Variants in LARP1 observed in about 807,000 individuals in gnomAD.
The protein encoded by LARP1 is La ribonucleoprotein 1, translational regulator.
In LARP1, 36 loss-of-function variants were observed where a neutral mutation model predicts 122.7. The observed-to-expected ratio is 0.29, with a 90% CI of 0.22 to 0.39. The LOEUF (loss-of-function observed/expected upper bound fraction) is 0.39, where lower values mean the gene tolerates loss of function less well. Ranked by LOEUF, LARP1 falls within the 10% of genes least tolerant of loss-of-function variation. LARP1 has a pLI of 1.00. For missense variants in LARP1, 1,040 were observed against 1,403.6 expected (o/e 0.74, Z 4.14); for synonymous variants, 539 against 528.7 (o/e 1.02, Z -0.27).
At chr5:154,746,522 G>T (rs546288210) in intron 1 of LARP1, among the ~76,000 whole-genome samples, 1 of 152,308 alleles carries the variant, frequency 6.6e-6, no homozygotes, top group African/African-American at 2.4e-5. Flanking sequence ...TTGTGATGTG[G>T]TGTCACGATC....
At chr5:154,706,528 T>A (rs1332214153) in intron 1 of LARP1, among the ~76,000 whole-genome samples, 1 of 151,904 alleles carries the variant, frequency 6.6e-6, no homozygotes, top group African/African-American at 2.4e-5. Flanking sequence ...GCCTCAAAGA[T>A]GGAAATGGTA....
chr5:154,733,577 T>G (rs1756708924), intron 1 of LARP1, among the ~76,000 whole-genome samples: 1 of 151,966 alleles, frequency 6.6e-6, no homozygotes, highest in South Asian at 2.1e-4. Flanking sequence ...CTTTTTTTTT[T>G]TTGGAGACGG....
chr5:154,802,193 A>T lies in LARP1; in HGVS notation c.1903A>T (p.Ile635Phe). 1.2e-6 allele frequency: 2 copies of T among 1,614,172 alleles called. No homozygotes were observed. The highest frequency in any genetic ancestry group is 1.7e-6 in the Non-Finnish European group (2 of 1,180,020). Residue 635 changes from isoleucine (I) to phenylalanine (F), a missense_variant, in exon 11 of 19, where the codon ATT becomes TTT. Ile to Phe is a conservative substitution (Grantham distance 21). Transcript: ENST00000518297. The surrounding 1 kb of genome is among the most constrained non-coding windows in gnomAD (Gnocchi z 5.1). Reference protein sequence around the residue: ...AWSDEESDYEIDDRDVNKILI... With the variant: ...AWSDEESDYEFDDRDVNKILI... ...GTCTGATGAGGAATCTGACTATGAG[A>T]TTGATGACAGGGATGTCAACAAGAT... is the stretch of plus-strand genomic sequence containing the variant.
intron 1 of LARP1, among the ~76,000 whole-genome samples, chr5:154,697,613 C>T (rs1016763539): frequency 6.6e-6 from 1 of 152,140 alleles, no homozygotes; most frequent in Admixed American, 6.6e-5. Flanking sequence ...TATGCTATAA[C>T]GTCGATGAAC....
Position 154,684,800 on chromosome 5 carries a change from TG to T in LARP1, c.-180+1764del, listed in dbSNP as rs368738976. On this transcript the variant is annotated intron_variant, in intron 1 of 18. Coordinates refer to the LARP1 transcript ENST00000687700. ...AGGAGCATAAAAAAGGCAGAATGAA[TG>T]TATGACCCCAGCACAGTCTGTGCCT... 9.3e-4 allele frequency among the ~76,000 whole-genome samples: 142 copies of T among 152,278 alleles called. 6 individuals are homozygous for T. The South Asian group carries it at 0.028, about 30-fold the overall frequency.
At chr5:154,687,383 TGTG>T (rs1753983952) in intron 1 of LARP1, among the ~76,000 whole-genome samples, 1 of 152,044 alleles carries the variant, frequency 6.6e-6, no homozygotes, top group African/African-American at 2.4e-5. Context: ...TTTTGTGTGT[TGTG>T]TGTGTGTGTT....
chr5:154,752,399 T>C (rs1753548858), upstream of LARP1, among the ~76,000 whole-genome samples: 2 of 151,868 alleles, frequency 1.3e-5, no homozygotes, highest in African/African-American at 2.4e-5. Flanking sequence ...TGCGCCACCA[T>C]GCCCAGCTAA....
chr5:154,799,800 G>T, intron 9 of LARP1, 41 bp downstream of exon 9: 2 of 1,612,098 alleles, frequency 1.2e-6, no homozygotes. Flanking sequence ...TGTCCTCTGG[G>T]CAACAGTCCT....
In LARP1 at chr5:154,756,057, C is replaced by A. The variant is rs771434438; in HGVS notation, c.300C>A (p.Gly100=). The A allele has an allele frequency of 7.3e-6, 8 of 1,101,252 alleles. No homozygotes were observed. In the Admixed American group the frequency reaches 3.2e-4, roughly 44 times the overall value. The allele number at this position is 1,101,252 out of a possible 1,614,324, so 68.2% of individuals were successfully genotyped here. ...SDGEEGGGEP[G]AGGGAAGAAG... is the part of the protein sequence containing the mutation. ...GGGAGGAGGGCGGCGGCGAGCCAGG[C>A]GCTGGCGGAGGAGCTGCCGGAGCCG... Residue 100 remains glycine (G), a synonymous_variant, in exon 1 of 19, where the codon GGC becomes GGA. Transcript: ENST00000518297.
chr5:154,748,567 G>A (rs1368006374), intron 1 of LARP1, among the ~76,000 whole-genome samples: 1 of 152,176 alleles, frequency 6.6e-6, no homozygotes, highest in Non-Finnish European at 1.5e-5. Flanking sequence ...ATTTGGTGCT[G>A]AGCCTTGAAG....
At chr5:154,812,998 A>C (rs937488493) in intron 18 of LARP1, among the ~76,000 whole-genome samples, 2 of 152,084 alleles carry the variant, frequency 1.3e-5, no homozygotes, top group Non-Finnish European at 2.9e-5. Flanking sequence ...AAATCATCAC[A>C]TTTATTATTT....
intron 1 of LARP1, among the ~76,000 whole-genome samples, chr5:154,789,985 A>ACTC (rs1442255494): frequency 6.6e-6 from 1 of 151,914 alleles, no homozygotes; most frequent in African/African-American, 2.4e-5. Flanking sequence ...TATAGTCCTG[A>ACTC]CTCTGGTGGC....
intron 4 of LARP1, among the ~76,000 whole-genome samples, chr5:154,793,283 A>C (rs1757477423): frequency 6.6e-6 from 1 of 152,036 alleles, no homozygotes; most frequent in Admixed American, 6.6e-5. Context: ...GTGTTTTGGC[A>C]CCTGTCTATA....
intron 7 of LARP1, among the ~76,000 whole-genome samples, chr5:154,794,656 A>G (rs916373035): frequency 1.3e-5 from 2 of 152,148 alleles, no homozygotes; most frequent in South Asian, 2.1e-4. Flanking sequence ...TTGAATTCCT[A>G]TGAGCTGAGT....
chr5:154,715,995 G>A (rs970991375), intron 1 of LARP1, among the ~76,000 whole-genome samples: 1 of 152,110 alleles, frequency 6.6e-6, no homozygotes, highest in African/African-American at 2.4e-5. Flanking sequence ...GCAGAACTCC[G>A]AATCAGGTCT....
At chr5:154,685,112 C>T (rs535984447) in intron 1 of LARP1, among the ~76,000 whole-genome samples, 48 of 152,170 alleles carry the variant, frequency 3.2e-4, no homozygotes, top group African/African-American at 1.1e-3. Flanking sequence ...GGCATGGTGA[C>T]GCGCACCTGT....
chr5:154,759,546 T>C (rs1754275754), intron 1 of LARP1, among the ~76,000 whole-genome samples: 1 of 152,224 alleles, frequency 6.6e-6, no homozygotes, highest in Non-Finnish European at 1.5e-5. Context: ...GTTTGCCTTT[T>C]GTAAAGATTT....
intron 1 of LARP1, among the ~76,000 whole-genome samples, chr5:154,775,519 C>CCTGCG (rs1256520622): frequency 6.6e-6 from 1 of 151,628 alleles, no homozygotes; most frequent in African/African-American, 2.4e-5. Flanking sequence ...AGGCGACTCC[C>CCTGCG]CTGCGGCTTT....
At chr5:154,709,476 C>G (rs930440180), upstream of LARP1, among the ~76,000 whole-genome samples, 1 of 152,108 alleles carries the variant, frequency 6.6e-6, no homozygotes, top group Non-Finnish European at 1.5e-5. Context: ...GCAATGAACC[C>G]ATAATTTAAG....
Sources: allele counts gnomAD v4.1 joint callset (sites outside exome capture counted in the v4.1 genomes callset), GRCh38; gene constraint gnomAD v4.1.1; non-coding constraint Gnocchi (gnomAD v3.1); transcripts MANE v1.5; gene names NCBI Gene and HGNC (gene_info 2026-07-23, HGNC 2026-07-21).